Variants in ENTREP2 observed in about 807,000 individuals in gnomAD.
The protein encoded by ENTREP2 is protein ENTREP2.
At chr15:29,500,172 A>G in the ENTREP2 span, among the ~76,000 whole-genome samples, 2 of 152,198 alleles carry the variant, frequency 1.3e-5, no homozygotes, top group Admixed American at 6.5e-5. Context: ...TAAATACCTC[A>G]ATTTCAATAA....
the ENTREP2 span, among the ~76,000 whole-genome samples, chr15:29,385,103 C>G: frequency 6.6e-6 from 1 of 152,164 alleles, no homozygotes; most frequent in Non-Finnish European, 1.5e-5. Flanking sequence ...GTCCTGCAGG[C>G]ATCTTTAATA....
chr15:29,425,211 G>GT, the ENTREP2 span, among the ~76,000 whole-genome samples: 1 of 120,984 alleles, frequency 8.3e-6, no homozygotes, highest in African/African-American at 2.7e-5. Flanking sequence ...TTTTTTTTTT[G>GT]TATTTTTTAA....
the ENTREP2 span, among the ~76,000 whole-genome samples, chr15:29,450,293 A>C: frequency 1.3e-5 from 2 of 152,108 alleles, no homozygotes; most frequent in African/African-American, 4.8e-5. Flanking sequence ...TTGTCATGAA[A>C]TCTTTGCCAG....
At chr15:29,645,908 G>A in the ENTREP2 span, among the ~76,000 whole-genome samples, 1 of 152,148 alleles carries the variant, frequency 6.6e-6, no homozygotes, top group Non-Finnish European at 1.5e-5. Context: ...GAAATGCTCA[G>A]TATTTTATTG....
the ENTREP2 span, among the ~76,000 whole-genome samples, chr15:29,293,097 C>T: frequency 2.0e-5 from 3 of 152,182 alleles, no homozygotes; most frequent in African/African-American, 7.2e-5. Context: ...CACTGCTTAA[C>T]ATGATGCTTT....
chr15:29,470,337 G>C, the ENTREP2 span, among the ~76,000 whole-genome samples: 1 of 152,158 alleles, frequency 6.6e-6, no homozygotes, highest in Non-Finnish European at 1.5e-5. Flanking sequence ...CCTGGGCCCT[G>C]CCAAGGGCTA....
At chr15:29,119,875 C>T in the ENTREP2 span, among the ~76,000 whole-genome samples, 1 of 152,122 alleles carries the variant, frequency 6.6e-6, no homozygotes, top group Non-Finnish European at 1.5e-5. Flanking sequence ...AAGCAGGTCC[C>T]GGGGAGAGAG....
chr15:29,492,064 AT>A, the ENTREP2 span, among the ~76,000 whole-genome samples: 52,563 of 147,906 alleles, frequency 0.36, 9,689 homozygotes, highest in African/African-American at 0.49. Flanking sequence ...TGTTGGTTTG[AT>A]TTTTTTTTTT....
the ENTREP2 span, chr15:29,124,683 T>C: frequency 1.9e-6 from 3 of 1,550,344 alleles, no homozygotes; most frequent in South Asian, 3.6e-5. Flanking sequence ...AAGAAGCGTC[T>C]CACCGCTCCC....
chr15:29,251,707 G>A, the ENTREP2 span, among the ~76,000 whole-genome samples: 1 of 137,714 alleles, frequency 7.3e-6, no homozygotes, highest in Non-Finnish European at 1.5e-5. Context: ...ACACAAATTC[G>A]TAAACTTTCT....
the ENTREP2 span, among the ~76,000 whole-genome samples, chr15:29,462,728 C>T: frequency 6.6e-6 from 1 of 152,144 alleles, no homozygotes; most frequent in Admixed American, 6.6e-5. Flanking sequence ...ACAACCTTTT[C>T]AGCAAAGCAA....
At chr15:29,619,940 C>CT in the ENTREP2 span, among the ~76,000 whole-genome samples, 5 of 152,112 alleles carry the variant, frequency 3.3e-5, no homozygotes, top group African/African-American at 7.3e-5. Context: ...CCCTCAGACT[C>CT]TAACTGGAGG....
chr15:29,247,193 T>C, the ENTREP2 span, among the ~76,000 whole-genome samples: 3 of 152,018 alleles, frequency 2.0e-5, no homozygotes, highest in Non-Finnish European at 2.9e-5. Flanking sequence ...AAACAAAAAC[T>C]GGAGTGAAGA....
chr15:29,413,778 G>T, the ENTREP2 span, among the ~76,000 whole-genome samples: 2 of 152,098 alleles, frequency 1.3e-5, no homozygotes, highest in East Asian at 3.9e-4. Context: ...GACACACATA[G>T]GCTCAAAATA....
chr15:29,132,631 C>T, the ENTREP2 span, among the ~76,000 whole-genome samples: 52 of 152,348 alleles, frequency 3.4e-4, no homozygotes, highest in South Asian at 1.0e-3. Context: ...AGAAGGGTGT[C>T]GCATTGGTTT....
At chr15:29,491,130 C>T in the ENTREP2 span, among the ~76,000 whole-genome samples, 1 of 152,208 alleles carries the variant, frequency 6.6e-6, no homozygotes, top group African/African-American at 2.4e-5. Context: ...TACTAAGCCC[C>T]TCACTGCCCA....
the ENTREP2 span, among the ~76,000 whole-genome samples, chr15:29,388,829 C>G: frequency 6.6e-6 from 1 of 151,968 alleles, no homozygotes; most frequent in African/African-American, 2.4e-5. Flanking sequence ...ATGGATGAAG[C>G]TGGAAACCAT....
the ENTREP2 span, among the ~76,000 whole-genome samples, chr15:29,646,171 T>C: frequency 1.3e-5 from 2 of 152,196 alleles, no homozygotes; most frequent in Non-Finnish European, 2.9e-5. Flanking sequence ...TAGCTTTCTA[T>C]TGATGCCTAA....
chr15:29,195,046 C>T, the ENTREP2 span: 3 of 910,498 alleles, frequency 3.3e-6, no homozygotes, highest in Non-Finnish European at 3.9e-6. Flanking sequence ...AGGCACTGAC[C>T]CAGGCAGGCT....
Sources: allele counts gnomAD v4.1 joint callset (sites outside exome capture counted in the v4.1 genomes callset), GRCh38; gene constraint gnomAD v4.1.1; transcripts MANE v1.5; gene names NCBI Gene and HGNC (gene_info 2026-07-23, HGNC 2026-07-21).